The following MYLK variants were observed in gnomAD, a reference collection of about 807,000 sequenced individuals.
MYLK encodes the protein myosin light chain kinase, also known as myosin light chain kinase, smooth muscle.
Under a neutral mutation model 203.4 loss-of-function variants are expected in MYLK, and 106 were observed. That is an observed-to-expected ratio of 0.52 (90% CI 0.45 to 0.61). The LOEUF (loss-of-function observed/expected upper bound fraction) is 0.61, where lower values mean the gene tolerates loss of function less well. Among genes scored for constraint, MYLK ranks in the 20% least tolerant of loss-of-function variants. The pLI is 0.00. For synonymous variants in MYLK, 867 were observed against 959.5 expected, an observed-to-expected ratio of 0.90 and a Z score of 1.78; for missense variants, 2,072 against 2,442.3, an observed-to-expected ratio of 0.85 and a Z score of 3.20.
rs549644828 is a variant in MYLK at position 123,811,221 on chromosome 3, G to A, written c.-3-17377C>T. ...TCCCCTCTCAACCCTTTCTGAAACA[G>A]GGAGCCATTTGCACTCGGGGTGAGG... is the stretch of plus-strand genomic sequence containing the variant. On this transcript the variant is annotated intron_variant, in intron 3 of 33. Coordinates refer to ENST00000360304, the MANE Select transcript of MYLK (RefSeq NM_053025.4). Among the ~76,000 whole-genome samples the A allele has an allele frequency of 2.0e-5, 3 of 152,258 alleles. 1 individual carries two copies. Among genetic ancestry groups the A allele is most frequent in the Admixed American group, 2.0e-4 (3 of 15,288 alleles).
intron 23 of MYLK, among the ~76,000 whole-genome samples, chr3:123,660,395 T>C (rs1045256331): frequency 1.3e-5 from 2 of 152,184 alleles, no homozygotes; most frequent in South Asian, 2.1e-4. Flanking sequence ...TTTAAAGATA[T>C]GAAAAGAGAC....
intron 11 of MYLK, among the ~76,000 whole-genome samples, chr3:123,727,089 C>A (rs2062315843): frequency 6.6e-6 from 1 of 152,226 alleles, no homozygotes; most frequent in African/African-American, 2.4e-5. Context: ...CTCTTGAGTT[C>A]ATTTTACAGA....
chr3:123,701,156 G>A, intron 17 of MYLK, 151 bp from the exon 18 acceptor site: 1 of 1,155,646 alleles, frequency 8.7e-7, no homozygotes. Flanking sequence ...TTTATAGATG[G>A]GAACATTGGT....
intron 31 of MYLK, 36 bp downstream of exon 31, chr3:123,626,782 G>T (rs1443322752): frequency 2.0e-5 from 33 of 1,613,700 alleles, no homozygotes; most frequent in Non-Finnish European, 2.7e-5. Context: ...CAAATATGAG[G>T]GGCAACATCC....
chr3:123,807,849 A>C (rs2065424639), intron 3 of MYLK, among the ~76,000 whole-genome samples: 1 of 152,236 alleles, frequency 6.6e-6, no homozygotes, highest in Non-Finnish European at 1.5e-5. Flanking sequence ...GGCTGGGCAC[A>C]AGCCCAGACC....
At chr3:123,667,244 C>A in intron 20 of MYLK, 57 bp from the exon 21 acceptor site, 9 of 1,548,038 alleles carry the variant, frequency 5.8e-6, no homozygotes, top group Non-Finnish European at 8.0e-6. Flanking sequence ...TCACAAAGCT[C>A]CTGATCCTAG....
At chr3:123,777,609 A>G (rs2064127360) in intron 4 of MYLK, among the ~76,000 whole-genome samples, 2 of 152,206 alleles carry the variant, frequency 1.3e-5, no homozygotes, top group Non-Finnish European at 2.9e-5. Flanking sequence ...GAGGGCCACA[A>G]GGCAGATGAG....
intron 3 of MYLK, among the ~76,000 whole-genome samples, chr3:123,805,354 A>G (rs2065332369): frequency 6.6e-6 from 1 of 152,148 alleles, no homozygotes; most frequent in African/African-American, 2.4e-5. Flanking sequence ...TTTTACTTCC[A>G]TCCTTGGTTA....
chr3:123,682,260 G>T lies in MYLK; in HGVS notation c.3616C>A (p.Pro1206Thr). 6.2e-7 allele frequency: 1 copy of T among 1,603,738 alleles called. No individual in the cohort carries two copies. The highest frequency in any genetic ancestry group is 1.3e-5 in the African/African-American group (1 of 74,970). ...AGCACGGGAGGAAGAGAGCTCTTGG[G>T]CCTCCGGGATTTCATCTCTGGGGCC... ...TKAPEMKSRR[P>T]KSSLPPVLGT... is the part of the protein sequence containing the mutation. The change falls in exon 20 of 34, where the codon CCC (proline) becomes ACC (threonine). Residue 1206 changes from proline to threonine, a missense_variant. Transcript: ENST00000360304.
chr3:123,872,994 C>T (rs2032903071), intron 2 of MYLK, among the ~76,000 whole-genome samples: 1 of 152,062 alleles, frequency 6.6e-6, no homozygotes, highest in African/African-American at 2.4e-5. Context: ...TGTCACCTCA[C>T]CAGCATAAAC....
At chr3:123,705,368 G>A (rs957573853) in intron 16 of MYLK, among the ~76,000 whole-genome samples, 2 of 152,226 alleles carry the variant, frequency 1.3e-5, no homozygotes, top group African/African-American at 4.8e-5. Context: ...AAAGGCTGCA[G>A]GCTGGAGGCT....
At chr3:123,707,432 TC>T (rs1299001508) in intron 16 of MYLK, among the ~76,000 whole-genome samples, 1 of 152,116 alleles carries the variant, frequency 6.6e-6, no homozygotes, top group East Asian at 1.9e-4. Flanking sequence ...ACAAATGCAT[TC>T]CCCCTATCCC....
At chr3:123,708,405 C>T (rs115154704) in intron 15 of MYLK, among the ~76,000 whole-genome samples, 17 of 152,308 alleles carry the variant, frequency 1.1e-4, no homozygotes, top group South Asian at 2.1e-4. Context: ...CAAAATCTAT[C>T]GCTGCCAAAT....
At position 123,779,218 on chromosome 3, in the gene MYLK, G is replaced by A. The variant is rs183962154; in HGVS notation, c.165+14459C>T. Among the ~76,000 whole-genome samples, 123 of 152,286 alleles carry A rather than the reference G, an allele frequency of 8.1e-4. 1 individual carries two copies. The highest frequency in any genetic ancestry group is 2.9e-3 in the African/African-American group (120 of 41,566). ...ATTTGATGGGGTTGTGCCTGCGCCT[G>A]AGCAGACTGGCTGGGGGATGGTGGC... is the stretch of plus-strand genomic sequence containing the variant. On this transcript the variant is annotated intron_variant, in intron 4 of 33. Coordinates refer to ENST00000360304, the MANE Select transcript of MYLK (RefSeq NM_053025.4).
At chr3:123,777,816 A>C (rs960619529) in intron 4 of MYLK, among the ~76,000 whole-genome samples, 2 of 152,190 alleles carry the variant, frequency 1.3e-5, no homozygotes, top group African/African-American at 4.8e-5. Context: ...TTGTTTATGC[A>C]CAGGGACATG....
intron 10 of MYLK, 112 bp from the exon 11 acceptor site, chr3:123,733,214 G>T: frequency 8.4e-7 from 1 of 1,191,972 alleles, no homozygotes; most frequent in Non-Finnish European, 1.2e-6. Context: ...TTGGTGTGGA[G>T]CTGCCCTCCC....
intron 18 of MYLK, among the ~76,000 whole-genome samples, chr3:123,697,376 C>T (rs2060973402): frequency 6.6e-6 from 1 of 152,216 alleles, no homozygotes; most frequent in Non-Finnish European, 1.5e-5. Flanking sequence ...ATACCAGAAA[C>T]CTGGCAAGGC....
intron 4 of MYLK, among the ~76,000 whole-genome samples, chr3:123,782,954 G>A (rs988386307): frequency 7.2e-5 from 11 of 152,308 alleles, no homozygotes; most frequent in Admixed American, 1.3e-4. Flanking sequence ...TGTGATCAGA[G>A]TGTGCACAGT....
intron 11 of MYLK, among the ~76,000 whole-genome samples, chr3:123,731,608 G>A (rs1054649494): frequency 1.3e-5 from 2 of 152,058 alleles, no homozygotes; most frequent in Non-Finnish European, 2.9e-5. Context: ...AGTAGACAAA[G>A]CAGTGTAGTG....
Sources: allele counts gnomAD v4.1 joint callset (sites outside exome capture counted in the v4.1 genomes callset), GRCh38; gene constraint gnomAD v4.1.1; transcripts MANE v1.5; gene names NCBI Gene and HGNC (gene_info 2026-07-23, HGNC 2026-07-21).